The following AKAP9 variants were observed in gnomAD, a reference collection of about 807,000 sequenced individuals.
The protein encoded by AKAP9 is A-kinase anchoring protein 9.
A neutral mutation model predicts 488.5 loss-of-function variants in AKAP9; 311 were observed. The observed-to-expected ratio is 0.64, with a 90% CI of 0.58 to 0.70. The LOEUF (loss-of-function observed/expected upper bound fraction) is 0.70. Ranked by LOEUF, AKAP9 falls within the 30% of genes least tolerant of loss-of-function variation. AKAP9 has a pLI of 0.00. For missense variants in AKAP9, 4,215 were observed against 4,374.5 expected (o/e 0.96, Z 1.03); for synonymous variants, 1,462 against 1,483.5 (o/e 0.99, Z 0.33).
intron 27 of AKAP9, 144 bp downstream of exon 27, chr7:92,070,350 T>C: frequency 1.0e-6 from 1 of 957,118 alleles, no homozygotes; most frequent in Non-Finnish European, 1.6e-6. Flanking sequence ...TATTTCCAAA[T>C]GTTGCTTGCA....
At chr7:92,058,238 G>A in intron 22 of AKAP9, 1 of 590,746 alleles carries the variant, frequency 1.7e-6, no homozygotes, top group South Asian at 1.4e-5. Flanking sequence ...GCAAGATGAA[G>A]ACATTTATGA....
At chr7:92,108,970 T>C (rs1054730416) in intron 49 of AKAP9, 3 of 420,502 alleles carry the variant, frequency 7.1e-6, no homozygotes, top group Non-Finnish European at 1.3e-5. Context: ...AACGTATTCC[T>C]AAGTAGCGCA....
At chr7:92,071,305 T>C (rs150283922) in intron 28 of AKAP9, among the ~76,000 whole-genome samples, 92 of 144,372 alleles carry the variant, frequency 6.4e-4, no homozygotes, top group African/African-American at 2.2e-3. Flanking sequence ...TGGAGAGATA[T>C]AGTAGTGTTA....
At chr7:92,081,651 C>T (rs1032934691) in intron 31 of AKAP9, among the ~76,000 whole-genome samples, 1 of 151,608 alleles carries the variant, frequency 6.6e-6, no homozygotes, top group African/African-American at 2.4e-5. Flanking sequence ...AATTTTATAC[C>T]TGATAATAGA....
chr7:92,090,015 A>G (rs533059730), intron 38 of AKAP9: 1 of 156,678 alleles, frequency 6.4e-6, no homozygotes, highest in East Asian at 1.9e-4. Context: ...CAGTATCCCA[A>G]CAGCCCCTTC....
intron 37 of AKAP9, among the ~76,000 whole-genome samples, chr7:92,087,767 A>G (rs1480369731): frequency 1.3e-5 from 2 of 152,058 alleles, no homozygotes; most frequent in Non-Finnish European, 2.9e-5. Context: ...AGCCAGCTTG[A>G]AGGAGCTCCA....
At chr7:91,985,803 A>G (rs769308090) in intron 3 of AKAP9, among the ~76,000 whole-genome samples, 7 of 152,132 alleles carry the variant, frequency 4.6e-5, no homozygotes, top group African/African-American at 1.7e-4. Context: ...GCGTGCCACC[A>G]TATCTGGCTA....
At chr7:92,049,156 A>G (rs965843484) in intron 21 of AKAP9, among the ~76,000 whole-genome samples, 7 of 152,216 alleles carry the variant, frequency 4.6e-5, no homozygotes, top group African/African-American at 1.7e-4. Flanking sequence ...TTGAATAACC[A>G]TCATTTACTA....
intron 38 of AKAP9, 42 bp from the exon 39 acceptor site, chr7:92,093,055 G>A (rs1815909535): frequency 4.6e-6 from 7 of 1,524,836 alleles, no homozygotes; most frequent in Non-Finnish European, 6.4e-6. Flanking sequence ...CCAAATATGA[G>A]TTGCTTGATT....
chr7:92,104,246 A>C (rs2130918482), intron 46 of AKAP9, among the ~76,000 whole-genome samples: 1 of 147,134 alleles, frequency 6.8e-6, no homozygotes, highest in East Asian at 2.0e-4. Flanking sequence ...GCTGGAGTGC[A>C]GTGGTGCTAT....
intron 7 of AKAP9, 58 bp from the exon 8 acceptor site, chr7:92,000,790 G>A: frequency 1.1e-6 from 1 of 883,234 alleles, no homozygotes; most frequent in East Asian, 2.7e-5. Context: ...AGATGAAGCA[G>A]TATAATTTGC....
intron 4 of AKAP9, among the ~76,000 whole-genome samples, 180 bp from the exon 5 acceptor site, chr7:91,992,705 G>A (rs983660399): frequency 6.7e-5 from 10 of 149,750 alleles, no homozygotes; most frequent in Non-Finnish European, 1.3e-4. Context: ...AACAGAATTT[G>A]CGGATAACCT....
intron 1 of AKAP9, among the ~76,000 whole-genome samples, chr7:91,960,074 G>A (rs778845336): frequency 7.2e-5 from 11 of 151,912 alleles, no homozygotes; most frequent in Non-Finnish European, 1.5e-4. Flanking sequence ...TACTAAAAAC[G>A]TTTAAAGGCA....
In AKAP9 at chr7:92,110,111, TTC is replaced by T. The variant is rs764231357; in HGVS notation, c.11687-6_11687-5del. On this transcript the variant is annotated splice_polypyrimidine_tract_variant and intron_variant, in intron 49 of 49. Coordinates refer to ENST00000356239, the MANE Select transcript of AKAP9 (RefSeq NM_005751.5). ...TTGAAATCAGTTGAATTTCCTGTTT[TTC>T]TCTCATAGGTTCAACTACTCAATTT... The T allele has an allele frequency of 1.3e-5, 21 of 1,596,174 alleles. No individual in the cohort carries two copies. Among genetic ancestry groups the T allele is most frequent in the Admixed American group, 1.7e-5 (1 of 59,068 alleles).
rs951454494 is a variant in AKAP9 at position 92,025,923 on chromosome 7, T to C, written c.4148+2914T>C. On this transcript the variant is annotated intron_variant, in intron 14 of 49. Coordinates refer to ENST00000356239, the MANE Select transcript of AKAP9 (RefSeq NM_005751.5). ...CAAAATAATTTTTCGAAGGTAATGG[T>C]TGGGGAATATAACATAGTGATATAA... is the stretch of plus-strand genomic sequence containing the variant. Among the ~76,000 whole-genome samples, 6 of 152,304 alleles carry C rather than the reference T, an allele frequency of 3.9e-5. No individual in the cohort carries two copies. The East Asian group carries it at 7.7e-4, about 20-fold the overall frequency.
At chr7:92,068,259 G>A (rs1033664613) in intron 26 of AKAP9, among the ~76,000 whole-genome samples, 2 of 151,068 alleles carry the variant, frequency 1.3e-5, no homozygotes, top group African/African-American at 2.4e-5. Flanking sequence ...CTAGCTACTC[G>A]GGAGGCTGAG....
intron 24 of AKAP9, among the ~76,000 whole-genome samples, chr7:92,064,532 C>G (rs1370371458): frequency 2.0e-5 from 3 of 151,998 alleles, no homozygotes; most frequent in Non-Finnish European, 4.4e-5. Flanking sequence ...TATAAGGAAA[C>G]TAAAGGACAT....
At chr7:91,969,129 T>G (rs10429103) in intron 1 of AKAP9, among the ~76,000 whole-genome samples, 1 of 151,794 alleles carries the variant, frequency 6.6e-6, no homozygotes, top group Non-Finnish European at 1.5e-5. Flanking sequence ...GGCTCAAGCA[T>G]TCATCCCACC....
intron 25 of AKAP9, 58 bp downstream of exon 25, chr7:92,065,521 A>C: frequency 8.2e-7 from 1 of 1,220,072 alleles, no homozygotes; most frequent in Non-Finnish European, 1.2e-6. Context: ...TTGCTAGTAT[A>C]CTAGGCTATG....
Sources: allele counts gnomAD v4.1 joint callset (sites outside exome capture counted in the v4.1 genomes callset), GRCh38; gene constraint gnomAD v4.1.1; transcripts MANE v1.5; gene names NCBI Gene and HGNC (gene_info 2026-07-23, HGNC 2026-07-21).